Variants in KLRF2 observed in about 807,000 individuals in gnomAD.
KLRF2 encodes killer cell lectin-like receptor subfamily F member 2.
Under a neutral mutation model 25.3 loss-of-function variants are expected in KLRF2, and 28 were observed. The ratio of observed to expected loss-of-function variants is 1.11; its 90% CI spans 0.82 to 1.52. The LOEUF (loss-of-function observed/expected upper bound fraction) is 1.52. KLRF2 is among the 40% of genes most tolerant of loss of function. The pLI is 0.00. For synonymous variants in KLRF2, 73 were observed against 85.0 expected (o/e 0.86, Z 0.78); for missense variants, 265 against 245.8 (o/e 1.08, Z -0.52).
intron 2 of KLRF2, 50 bp from the exon 3 acceptor site, chr12:9,888,683 G>A (rs890494578): frequency 9.7e-7 from 1 of 1,026,970 alleles, no homozygotes; most frequent in Non-Finnish European, 1.5e-6. Flanking sequence ...TACCTAGATT[G>A]CTATTGATTT....
Position 9,895,815 on chromosome 12 carries a change from T to C in KLRF2, c.606T>C (p.Asn202=), listed in dbSNP as rs1862750358. The C allele has an allele frequency of 2.6e-6, 4 of 1,533,158 alleles. No individual in the cohort carries two copies. Among genetic ancestry groups the C allele is most frequent in the Non-Finnish European group, 3.5e-6 (4 of 1,145,982 alleles). 95.0% of individuals were successfully genotyped at this position (1,533,158 alleles called of 1,614,324 possible). A position where few individuals can be genotyped will look rare whatever the true frequency, so the allele number is the denominator to read the frequency against. The part of the protein sequence containing the change: ...ICQRDAILTH[N]GTSGV ...AGAGAGATGCGATCTTGACGCACAA[T>C]GGAACCAGTGGTGTGTAAATGTACA... is the stretch of plus-strand genomic sequence containing the variant. Residue 202 remains asparagine (N), a synonymous_variant, in exon 6 of 6, where the codon AAT becomes AAC. Coordinates refer to ENST00000535540, the MANE Select transcript of KLRF2 (RefSeq NM_001190765.1).
At chr12:9,889,570 C>T (rs939608595) in intron 3 of KLRF2, among the ~76,000 whole-genome samples, 1 of 152,004 alleles carries the variant, frequency 6.6e-6, no homozygotes, top group African/African-American at 2.4e-5. Context: ...TTGGCCTATT[C>T]TGTGCGTTTT....
chr12:9,881,525 C>T lies in KLRF2; in HGVS notation c.-71C>T, dbSNP rs1868095033. 2.6e-6 allele frequency: 3 copies of T among 1,141,016 alleles called. No homozygotes were observed. The highest frequency in any genetic ancestry group is 4.1e-5 in the Admixed American group (2 of 48,798). The allele number at this position is 1,141,016 out of a possible 1,614,324, so 70.7% of individuals were successfully genotyped here. A position where few individuals can be genotyped will look rare whatever the true frequency, so the allele number is the denominator to read the frequency against. On this transcript the variant is annotated 5_prime_UTR_variant, in exon 1 of 6. Transcript: ENST00000535540. ...AGTACCTTGTGCCAAAGAGACATAT[C>T]CAAGGTTGAGATTAGTTTCCATTTT...
chr12:9,894,150 CT>C lies in KLRF2; in HGVS notation c.479+610del, dbSNP rs1312753093. On this transcript the variant is annotated intron_variant, in intron 5 of 5. Coordinates refer to ENST00000535540, the MANE Select transcript of KLRF2 (RefSeq NM_001190765.1). ...TTTCTCTCTCTCTCTCTCTCTCTCT[CT>C]CTCCCTCCCTTCCTTCTTTGTTTCT... 3.4e-3 allele frequency among the ~76,000 whole-genome samples: 503 copies of C among 147,746 alleles called. 4 individuals are homozygous for C. The East Asian group carries it at 0.043, about 13-fold the overall frequency.
chr12:9,893,203 G>C lies in KLRF2; in HGVS notation c.366+35G>C, dbSNP rs776308867. 663 of 1,510,766 alleles carry C rather than the reference G, an allele frequency of 4.4e-4. 1 individual carries two copies. The highest frequency in any genetic ancestry group is 1.2e-4 in the Non-Finnish European group (139 of 1,131,328). 93.6% of individuals were successfully genotyped at this position (1,510,766 alleles called of 1,614,324 possible). A position where few individuals can be genotyped will look rare whatever the true frequency, so the allele number is the denominator to read the frequency against. Reference sequence around the variant, plus strand: ...CAAAAACAGGATCTAACTGCACAAGGAAAAATGGCTTAGGTGCAAGTTCAC... The same window carrying C: ...CAAAAACAGGATCTAACTGCACAAGCAAAAATGGCTTAGGTGCAAGTTCAC... On this transcript the variant is annotated intron_variant, in intron 4 of 5. Transcript: ENST00000535540.
intron 3 of KLRF2, among the ~76,000 whole-genome samples, chr12:9,892,012 T>C (rs1862682677): frequency 6.6e-6 from 1 of 152,174 alleles, no homozygotes; most frequent in South Asian, 2.1e-4. Context: ...GAGTCAAAGA[T>C]GAATATGACA....
At chr12:9,894,884 A>G (rs1862739336) in intron 5 of KLRF2, among the ~76,000 whole-genome samples, 1 of 152,058 alleles carries the variant, frequency 6.6e-6, no homozygotes, top group South Asian at 2.1e-4. Flanking sequence ...TTTTTTGGAA[A>G]CCAGCATTAC....
intron 5 of KLRF2, among the ~76,000 whole-genome samples, chr12:9,893,818 ATTT>A (rs1862718761): frequency 1.3e-5 from 2 of 152,066 alleles, no homozygotes; most frequent in African/African-American, 4.8e-5. Flanking sequence ...ATTCATAATA[ATTT>A]TTAAATTTCT....
At chr12:9,885,831 C>G (rs868769828) in intron 2 of KLRF2, among the ~76,000 whole-genome samples, 1 of 152,050 alleles carries the variant, frequency 6.6e-6, no homozygotes, top group Non-Finnish European at 1.5e-5. Context: ...ACTTATTTAA[C>G]ATTCAATGTT....
intron 3 of KLRF2, among the ~76,000 whole-genome samples, chr12:9,892,548 G>A (rs1229680144): frequency 6.7e-6 from 1 of 149,954 alleles, no homozygotes; most frequent in Non-Finnish European, 1.5e-5. Context: ...GAAATACACA[G>A]GTTAGTAAAT....
At chr12:9,886,210 A>G (rs1862596042) in intron 2 of KLRF2, among the ~76,000 whole-genome samples, 1 of 152,156 alleles carries the variant, frequency 6.6e-6, no homozygotes, top group Non-Finnish European at 1.5e-5. Context: ...TAACAATTAC[A>G]ATATGTGTGT....
At chr12:9,892,776 G>T (rs1448630623) in intron 3 of KLRF2, among the ~76,000 whole-genome samples, 12 of 151,274 alleles carry the variant, frequency 7.9e-5, no homozygotes, top group African/African-American at 2.4e-5. Context: ...TAGAGACAGG[G>T]TTTCTCCATG....
chr12:9,887,956 T>C (rs563674983), intron 2 of KLRF2, among the ~76,000 whole-genome samples: 6 of 148,818 alleles, frequency 4.0e-5, no homozygotes, highest in Non-Finnish European at 8.9e-5. Context: ...CTTGGGAAGC[T>C]GAGGCAAGAG....
rs535704919 is a variant in KLRF2 at position 9,882,854 on chromosome 12, G to A, written c.70+1189G>A. On this transcript the variant is annotated intron_variant, in intron 1 of 5. Transcript: ENST00000535540. ...GTATGGCTCTGGGCAGAAGCTTTTAGCCTTCTTAAATCTCAATACTTTGAT... is the reference window on the plus strand; with the variant it reads ...GTATGGCTCTGGGCAGAAGCTTTTAACCTTCTTAAATCTCAATACTTTGAT... 1.4e-3 allele frequency among the ~76,000 whole-genome samples: 219 copies of A among 152,260 alleles called. 3 individuals are homozygous for A. The highest frequency in any genetic ancestry group is 2.5e-3 in the Non-Finnish European group (168 of 68,014).
In KLRF2 at chr12:9,893,523, A is replaced by G. The variant is rs760291774; in HGVS notation, c.461A>G (p.His154Arg). 2.0e-6 allele frequency: 3 copies of G among 1,480,108 alleles called. No individual in the cohort carries two copies. Among genetic ancestry groups the G allele is most frequent in the Non-Finnish European group, 2.7e-6 (3 of 1,101,258 alleles). 91.7% of individuals were successfully genotyped at this position (1,480,108 alleles called of 1,614,324 possible). A position where few individuals can be genotyped will look rare whatever the true frequency, so the allele number is the denominator to read the frequency against. The change falls in exon 5 of 6, where the codon CAC (histidine) becomes CGC (arginine). Residue 154 changes from histidine (H) to arginine (R), a missense_variant. Coordinates refer to ENST00000535540, the MANE Select transcript of KLRF2 (RefSeq NM_001190765.1). ...AACCTATGGATGTGGATAGATGAAC[A>G]CTTTTTAGTTCCAGAATTGTGAGTA... ...QGNLWMWIDE[H>R]FLVPELFSVI...
In KLRF2 at chr12:9,895,067, C is replaced by T. The variant is rs76998981; in HGVS notation, c.480-622C>T. Among the ~76,000 whole-genome samples, 1,372 of 152,194 alleles carry T rather than the reference C, an allele frequency of 9.0e-3. 15 individuals carry two copies. Among genetic ancestry groups the T allele is most frequent in the African/African-American group, 0.031 (1,296 of 41,520 alleles). On this transcript the variant is annotated intron_variant, in intron 5 of 5. Transcript: ENST00000535540. ...TCAAAGGCATTCCATTTATACATTG[C>T]GCATCATCCTAACCTTATACTGTGG...
rs141327204 is a variant in KLRF2 at position 9,894,126 on chromosome 12, T to TTCTCTCTCTCTCTCTC, written c.479+598_479+613dup. Among the ~76,000 whole-genome samples, 169 of 130,276 alleles carry TTCTCTCTCTCTCTCTC rather than the reference T, an allele frequency of 1.3e-3. 2 individuals are homozygous for TTCTCTCTCTCTCTCTC. Among genetic ancestry groups the TTCTCTCTCTCTCTCTC allele is most frequent in the African/African-American group, 4.5e-3 (153 of 33,842 alleles). 85.5% of individuals were successfully genotyped at this position (130,276 alleles called of 152,430 possible). A position where few individuals can be genotyped will look rare whatever the true frequency, so the allele number is the denominator to read the frequency against. ...CTCTTTTTCTTTTTCTTTCTTTTCT[T>TTCTCTCTCTCTCTCTC]TCTCTCTCTCTCTCTCTCTCTCTCT... On this transcript the variant is annotated intron_variant, in intron 5 of 5. Transcript: ENST00000535540.
chr12:9,892,018 T>C (rs1238603262), intron 3 of KLRF2, among the ~76,000 whole-genome samples: 2 of 152,212 alleles, frequency 1.3e-5, no homozygotes, highest in African/African-American at 4.8e-5. Context: ...AAGATGAATA[T>C]GACAGTCCCA....
At chr12:9,890,455 GGGTACAGGTTACT>G (rs1293989881) in intron 3 of KLRF2, among the ~76,000 whole-genome samples, 2 of 152,178 alleles carry the variant, frequency 1.3e-5, no homozygotes, top group Non-Finnish European at 2.9e-5. Context: ...TGTGGTTGTA[GGGTACAGGTTACT>G]GCTTTCCTTC....
Sources: allele counts gnomAD v4.1 joint callset (sites outside exome capture counted in the v4.1 genomes callset), GRCh38; gene constraint gnomAD v4.1.1; transcripts MANE v1.5; gene names NCBI Gene and HGNC (gene_info 2026-07-23, HGNC 2026-07-21).